Variants in MFSD6 observed in about 807,000 individuals in gnomAD.
MFSD6 encodes major facilitator superfamily domain-containing protein 6.
In MFSD6, 26 loss-of-function variants were observed where a neutral mutation model predicts 56.3. That is an observed-to-expected ratio of 0.46 (90% CI 0.34 to 0.64). MFSD6 has a LOEUF of 0.64. Ranked by LOEUF, MFSD6 falls within the 30% of genes least tolerant of loss-of-function variation. MFSD6 has a pLI of 0.01. For synonymous variants in MFSD6, 331 were observed against 366.9 expected, an observed-to-expected ratio of 0.90 and a Z score of 1.12; for missense variants, 750 against 986.2, an observed-to-expected ratio of 0.76 and a Z score of 3.21.
In MFSD6 at chr2:190,434,561, A is replaced by G. The variant is rs1379844601; in HGVS notation, c.-53-1416A>G. On this transcript the variant is annotated intron_variant, in intron 2 of 7. Transcript: ENST00000392328. This position sits in a 1 kb window ranked among gnomAD's most constrained non-coding sequence, Gnocchi z 4.3. ...AGCAATTTGCCTGCCTCAGCTTCCC[A>G]AGTAGCTGGGACTACATGCGTGCCA... is the stretch of plus-strand genomic sequence containing the variant. 6.6e-6 allele frequency among the ~76,000 whole-genome samples: 1 copy of G among 152,028 alleles called. No individual in the cohort carries two copies. The highest frequency in any genetic ancestry group is 2.4e-5 in the African/African-American group (1 of 41,380).
rs537748774 is a variant in MFSD6, at chr2:190,487,284, T to G, written c.1631-1373T>G. ...TGAACCCAGGAAGCAGAGGTTGCAGTGAGCTGAGGTCGTGCCACTGCACTC... is the reference window on the plus strand; with the variant it reads ...TGAACCCAGGAAGCAGAGGTTGCAGGGAGCTGAGGTCGTGCCACTGCACTC... On this transcript the variant is annotated intron_variant, in intron 4 of 7. Coordinates refer to ENST00000392328, the MANE Select transcript of MFSD6 (RefSeq NM_017694.4). This position sits in a 1 kb window ranked among gnomAD's most constrained non-coding sequence, Gnocchi z 5.5. Among the ~76,000 whole-genome samples, 1 of 152,194 alleles carries G rather than the reference T, an allele frequency of 6.6e-6. No homozygotes were observed. The highest frequency in any genetic ancestry group is 2.4e-5 in the African/African-American group (1 of 41,434).
Position 190,463,624 on chromosome 2 carries a change from C to G in MFSD6, c.1533-6134C>G, listed in dbSNP as rs1449266349. 6.6e-6 allele frequency among the ~76,000 whole-genome samples: 1 copy of G among 152,106 alleles called. No individual in the cohort carries two copies. Among genetic ancestry groups the G allele is most frequent in the Non-Finnish European group, 1.5e-5 (1 of 68,016 alleles). ...TTGCTTGAGCCCAGGAGTTCATGAC[C>G]AGCCTGGGCAACATAGTGAGACTTT... On this transcript the variant is annotated intron_variant, in intron 3 of 7. Coordinates refer to ENST00000392328, the MANE Select transcript of MFSD6 (RefSeq NM_017694.4). This position sits in a 1 kb window ranked among gnomAD's most constrained non-coding sequence, Gnocchi z 4.4.
chr2:190,434,266 G>GGAACAACATAGA lies in MFSD6; in HGVS notation c.-53-1711_-53-1710insGAACAACATAGA. The stretch of plus-strand genomic sequence containing the variant: ...TATATACTTCCTACCATCAGAATCT[G>GGAACAACATAGA]TTCATTGGAACAACATAATTCTTGA... On this transcript the variant is annotated intron_variant, in intron 2 of 7. Transcript: ENST00000392328. This position sits in a 1 kb window ranked among gnomAD's most constrained non-coding sequence, Gnocchi z 4.3. 6.6e-6 allele frequency among the ~76,000 whole-genome samples: 1 copy of GGAACAACATAGA among 151,754 alleles called. No individual in the cohort carries two copies. Among genetic ancestry groups the GGAACAACATAGA allele is most frequent in the African/African-American group, 2.4e-5 (1 of 41,322 alleles).
In MFSD6 at chr2:190,461,376, G is replaced by A. The variant is rs1687320691; in HGVS notation, c.1533-8382G>A. Among the ~76,000 whole-genome samples the A allele has an allele frequency of 6.6e-6, 1 of 152,218 alleles. No homozygotes were observed. The highest frequency in any genetic ancestry group is 1.5e-5 in the Non-Finnish European group (1 of 68,040). The stretch of plus-strand genomic sequence containing the variant: ...CAGTCCCCCAATTCCTCTCCTTAGA[G>A]ACTATCCATTATATGAGGTTCTAGT... On this transcript the variant is annotated intron_variant, in intron 3 of 7. Transcript: ENST00000392328. The surrounding 1 kb of genome is among the most constrained non-coding windows in gnomAD (Gnocchi z 5.5).
chr2:190,434,197 A>AAG lies in MFSD6; in HGVS notation c.-53-1779_-53-1778insGA, dbSNP rs1686098882. Among the ~76,000 whole-genome samples the AAG allele has an allele frequency of 6.8e-6, 1 of 147,124 alleles. No homozygotes were observed. The stretch of plus-strand genomic sequence containing the variant: ...CCCTGTCTCTCAAAAAAAAAAAAAG[A>AAG]AAAAAAAGAAAAGAAGGTGAAAGGA... On this transcript the variant is annotated intron_variant, in intron 2 of 7. Coordinates refer to ENST00000392328, the MANE Select transcript of MFSD6 (RefSeq NM_017694.4). The surrounding 1 kb of genome is among the most constrained non-coding windows in gnomAD (Gnocchi z 4.3).
At position 190,476,289 on chromosome 2, in the gene MFSD6, A is replaced by C. The variant is rs556546250; in HGVS notation, c.1630+6434A>C. Reference sequence around the variant, plus strand: ...ACAGGCAACCTACAGAATGGGAGAAAATTTTTGCAATCTACTCATCTGACA... The same window carrying C: ...ACAGGCAACCTACAGAATGGGAGAACATTTTTGCAATCTACTCATCTGACA... On this transcript the variant is annotated intron_variant, in intron 4 of 7. Coordinates refer to ENST00000392328, the MANE Select transcript of MFSD6 (RefSeq NM_017694.4). Among the ~76,000 whole-genome samples, 306 of 152,306 alleles carry C rather than the reference A, an allele frequency of 2.0e-3. 4 individuals are homozygous for C. Among genetic ancestry groups the C allele is most frequent in the African/African-American group, 7.2e-3 (299 of 41,564 alleles).
rs181835088 is a variant in MFSD6 at position 190,455,044 on chromosome 2, A to G, written c.1533-14714A>G. 3.3e-5 allele frequency among the ~76,000 whole-genome samples: 5 copies of G among 151,242 alleles called. No homozygotes were observed. The East Asian group carries it at 9.7e-4, about 29-fold the overall frequency. ...ATGTGTGTTGGTAAGCAGATCCACC[A>G]TGCAAGCCTGGAAAGGAACAGATTT... On this transcript the variant is annotated intron_variant, in intron 3 of 7. Coordinates refer to ENST00000392328, the MANE Select transcript of MFSD6 (RefSeq NM_017694.4).
rs926262026 is a variant in MFSD6, at chr2:190,413,626, G to A, written c.-175-1666G>A. Among the ~76,000 whole-genome samples the A allele has an allele frequency of 3.1e-4, 47 of 152,158 alleles. No homozygotes were observed. The highest frequency in any genetic ancestry group is 1.3e-4 in the Non-Finnish European group (9 of 68,028). On this transcript the variant is annotated intron_variant, in intron 1 of 7. Transcript: ENST00000392328. This position sits in a 1 kb window ranked among gnomAD's most constrained non-coding sequence, Gnocchi z 4.1. ...TGTGTGGCTTTGAGGAGGATAAAAAGGAGGAACTGGTGCTGCCTGAACAAG... is the reference window on the plus strand; with the variant it reads ...TGTGTGGCTTTGAGGAGGATAAAAAAGAGGAACTGGTGCTGCCTGAACAAG...
At position 190,416,745 on chromosome 2, in the gene MFSD6, G is replaced by T. The variant is rs1690791124; in HGVS notation, c.-54+1332G>T. Among the ~76,000 whole-genome samples the T allele has an allele frequency of 6.6e-6, 1 of 152,148 alleles. No individual in the cohort carries two copies. Reference sequence around the variant, plus strand: ...TATGTTGCTTTTAGATTAACAGAATGCTTTCTCATACTTTATTTCATTTAA... The same window carrying T: ...TATGTTGCTTTTAGATTAACAGAATTCTTTCTCATACTTTATTTCATTTAA... On this transcript the variant is annotated intron_variant, in intron 2 of 7. Coordinates refer to ENST00000392328, the MANE Select transcript of MFSD6 (RefSeq NM_017694.4). The surrounding 1 kb of genome is among the most constrained non-coding windows in gnomAD (Gnocchi z 4.1).
intron 2 of MFSD6, among the ~76,000 whole-genome samples, chr2:190,435,723 T>C (rs1442909889): frequency 1.3e-5 from 2 of 152,204 alleles, no homozygotes; most frequent in Non-Finnish European, 2.9e-5. Context: ...ATGAAAAGAC[T>C]GGGAATGAAT....
rs1021808168 is a variant in MFSD6 at position 190,497,776 on chromosome 2, G to A, written c.2172+57G>A. The A allele has an allele frequency of 6.5e-7, 1 of 1,530,368 alleles. No homozygotes were observed. The highest frequency in any genetic ancestry group is 1.9e-5 in the Admixed American group (1 of 52,900). The allele number at this position is 1,530,368 out of a possible 1,614,324, so 94.8% of individuals were successfully genotyped here. A position where few individuals can be genotyped will look rare whatever the true frequency, so the allele number is the denominator to read the frequency against. On this transcript the variant is annotated intron_variant, in intron 7 of 7. Coordinates refer to ENST00000392328, the MANE Select transcript of MFSD6 (RefSeq NM_017694.4). This position sits in a 1 kb window ranked among gnomAD's most constrained non-coding sequence, Gnocchi z 5.2. ...CCTGTCACTCAAGATACCTTAACTG[G>A]GCTCAGTTTTAATTACTCACTTTTC... is the stretch of plus-strand genomic sequence containing the variant.
At position 190,436,813 on chromosome 2, in the gene MFSD6, GTTA is replaced by G; in HGVS notation, c.787_789del (p.Ile263del). The G allele has an allele frequency of 6.2e-7, 1 of 1,614,184 alleles. No individual in the cohort carries two copies. Among genetic ancestry groups the G allele is most frequent in the Non-Finnish European group, 8.5e-7 (1 of 1,180,030 alleles). On this transcript the variant is annotated inframe_deletion, in exon 3 of 8. Coordinates refer to ENST00000392328, the MANE Select transcript of MFSD6 (RefSeq NM_017694.4). This position sits in a 1 kb window ranked among gnomAD's most constrained non-coding sequence, Gnocchi z 5.3. ...AAGCGTAACCAAGGAGACAACCACT[GTTA>G]TTGTTACCACCACCAAATCTTTACC... is the stretch of plus-strand genomic sequence containing the variant.
intron 3 of MFSD6, chr2:190,464,740 C>A: frequency 5.6e-6 from 1 of 177,044 alleles, no homozygotes; most frequent in Non-Finnish European, 1.1e-5. Flanking sequence ...TTATATTTAA[C>A]TTATTTGTTT....
In MFSD6 at chr2:190,463,384, G is replaced by A. The variant is rs1273321354; in HGVS notation, c.1533-6374G>A. Among the ~76,000 whole-genome samples, 1 of 152,136 alleles carries A rather than the reference G, an allele frequency of 6.6e-6. No individual in the cohort carries two copies. The highest frequency in any genetic ancestry group is 2.4e-5 in the African/African-American group (1 of 41,410). ...ATAAGCTTCATTCCTGGGGAGGAGGGCACATCAAGTGCTTGTGCTGAGCAC... is the reference window on the plus strand; with the variant it reads ...ATAAGCTTCATTCCTGGGGAGGAGGACACATCAAGTGCTTGTGCTGAGCAC... On this transcript the variant is annotated intron_variant, in intron 3 of 7. Transcript: ENST00000392328. This position sits in a 1 kb window ranked among gnomAD's most constrained non-coding sequence, Gnocchi z 4.4.
intron 3 of MFSD6, among the ~76,000 whole-genome samples, chr2:190,448,974 A>C (rs915053127): frequency 1.3e-5 from 2 of 152,198 alleles, no homozygotes; most frequent in African/African-American, 4.8e-5. Flanking sequence ...GTGTGTGCAT[A>C]GTTATAGCTG....
Position 190,500,215 on chromosome 2 carries a change from C to A in MFSD6, c.2373C>A (p.His791Gln). ...EQQAQLAAGG[H>Q] ...AGGCTCAGCTGGCCGCGGGAGGACA[C>A]TGAGGGCATCCTGCTCATCTCACAC... The change falls in exon 8 of 8, where the codon CAC (histidine) becomes CAA (glutamine). Residue 791 changes from histidine (H) to glutamine (Q), a missense_variant. Physicochemically the swap from His to Gln is conservative, Grantham distance 24 (BLOSUM62 0). This residue lies in a region of MFSD6 where 172 missense variants were observed against 203.9 expected (regional missense o/e 0.84). Transcript: ENST00000392328. This position sits in a 1 kb window ranked among gnomAD's most constrained non-coding sequence, Gnocchi z 5.3. 6.2e-7 allele frequency: 1 copy of A among 1,614,096 alleles called. No homozygotes were observed. The highest frequency in any genetic ancestry group is 1.1e-5 in the South Asian group (1 of 91,074).
rs1689788003 is a variant in MFSD6 at position 190,497,787 on chromosome 2, A to G, written c.2172+68A>G. On this transcript the variant is annotated intron_variant, in intron 7 of 7. Coordinates refer to ENST00000392328, the MANE Select transcript of MFSD6 (RefSeq NM_017694.4). The surrounding 1 kb of genome is among the most constrained non-coding windows in gnomAD (Gnocchi z 5.2). ...AGATACCTTAACTGGGCTCAGTTTT[A>G]ATTACTCACTTTTCATTCAACAAGA... The G allele has an allele frequency of 6.7e-7, 1 of 1,489,072 alleles. No homozygotes were observed. The highest frequency in any genetic ancestry group is 9.1e-7 in the Non-Finnish European group (1 of 1,096,046). The allele number at this position is 1,489,072 out of a possible 1,614,324, so 92.2% of individuals were successfully genotyped here.
Position 190,474,926 on chromosome 2 carries a change from A to T in MFSD6, c.1630+5071A>T, listed in dbSNP as rs1472904984. Among the ~76,000 whole-genome samples, 6 of 152,366 alleles carry T rather than the reference A, an allele frequency of 3.9e-5. No individual in the cohort carries two copies. The East Asian group carries it at 1.2e-3, about 29-fold the overall frequency. On this transcript the variant is annotated intron_variant, in intron 4 of 7. Transcript: ENST00000392328. The stretch of plus-strand genomic sequence containing the variant: ...GCTGGTTCAACATATGCAAATCAAT[A>T]AATGTAATCCAGCATATAAACAGAA...
rs1002705539 is a variant in MFSD6, at chr2:190,431,441, G to A, written c.-53-4536G>A. Among the ~76,000 whole-genome samples, 12 of 152,250 alleles carry A rather than the reference G, an allele frequency of 7.9e-5. No individual in the cohort carries two copies. Among genetic ancestry groups the A allele is most frequent in the Non-Finnish European group, 1.2e-4 (8 of 68,048 alleles). The stretch of plus-strand genomic sequence containing the variant: ...TTGATCACTGAGTGAACGAGACTCC[G>A]TCTGCAATCCCGGCACCTCTGGAGG... On this transcript the variant is annotated intron_variant, in intron 2 of 7. Transcript: ENST00000392328. This position sits in a 1 kb window ranked among gnomAD's most constrained non-coding sequence, Gnocchi z 4.4.
Sources: gnomAD v4.1 joint callset for allele counts (sites outside exome capture counted in the v4.1 genomes callset) on GRCh38, gnomAD v4.1.1 for gene constraint, gnomAD v4.1.1 regional missense constraint, Gnocchi (gnomAD v3.1) non-coding constraint, MANE v1.5 for transcripts, NCBI Gene and HGNC (gene_info 2026-07-23, HGNC 2026-07-21) for gene names.